The following DLGAP4 variants were observed in gnomAD, a reference collection of about 807,000 sequenced individuals.
DLGAP4 encodes the protein disks large-associated protein 4.
DLGAP4 carries 18 observed loss-of-function variants against 86.9 expected under a neutral mutation model. The ratio of observed to expected loss-of-function variants is 0.21; its 90% confidence interval spans 0.14 to 0.31. The LOEUF is 0.31. DLGAP4 is among the 10% of genes least tolerant of loss of function. The pLI is 1.00. For missense variants in DLGAP4, 1,085 were observed against 1,362.6 expected (o/e 0.80, Z 3.21); for synonymous variants, 548 against 574.3 (o/e 0.95, Z 0.65).
chr20:36,456,067 C>T (rs765632764), intron 7 of DLGAP4, among the ~76,000 whole-genome samples: 2 of 152,230 alleles, frequency 1.3e-5, no homozygotes, highest in African/African-American at 2.4e-5. Context: ...GTGCCACCAT[C>T]GATTCGCGAT....
intron 2 of DLGAP4, among the ~76,000 whole-genome samples, chr20:36,368,445 C>T (rs754886274): frequency 8.6e-4 from 131 of 152,232 alleles, no homozygotes; most frequent in Non-Finnish European, 1.4e-3. Context: ...CTGTAGATAA[C>T]GTATGTAGAA....
chr20:36,493,695 G>A (rs898045859), intron 7 of DLGAP4, among the ~76,000 whole-genome samples: 1 of 152,222 alleles, frequency 6.6e-6, no homozygotes, highest in Non-Finnish European at 1.5e-5. Context: ...GGGGCCCAAG[G>A]CCTGGAGAGC....
At chr20:36,425,202 A>G (rs2032941636) in intron 2 of DLGAP4, among the ~76,000 whole-genome samples, 1 of 152,216 alleles carries the variant, frequency 6.6e-6, no homozygotes, top group African/African-American at 2.4e-5. Context: ...TATCTAGAAT[A>G]TATACAAAGA....
chr20:36,490,961 A>G (rs952488800), intron 7 of DLGAP4, among the ~76,000 whole-genome samples: 2 of 151,822 alleles, frequency 1.3e-5, no homozygotes, highest in East Asian at 1.9e-4. Flanking sequence ...TTGGGAGGCC[A>G]AGGTGGGCGG....
intron 1 of DLGAP4, among the ~76,000 whole-genome samples, chr20:36,348,118 C>T (rs1359630491): frequency 2.0e-5 from 3 of 152,170 alleles, no homozygotes; most frequent in Admixed American, 6.5e-5. Flanking sequence ...CTACCAAAAA[C>T]GTAGTCACAT....
intron 10 of DLGAP4, among the ~76,000 whole-genome samples, chr20:36,517,024 C>G (rs2037080328): frequency 6.6e-6 from 1 of 151,744 alleles, no homozygotes. Flanking sequence ...CCTCGGCCTC[C>G]CAGAGTGCTG....
chr20:36,341,367 T>C (rs1855223864), intron 1 of DLGAP4, among the ~76,000 whole-genome samples: 1 of 152,154 alleles, frequency 6.6e-6, no homozygotes, highest in South Asian at 2.1e-4. Context: ...CTCACCCCCT[T>C]GCCAAGAGCT....
At chr20:36,491,680 A>G (rs1009365254) in intron 7 of DLGAP4, among the ~76,000 whole-genome samples, 1 of 152,118 alleles carries the variant, frequency 6.6e-6, no homozygotes, top group Non-Finnish European at 1.5e-5. Context: ...GAAGCTGCTG[A>G]GATGGATGGG....
rs2147578318 is a variant in DLGAP4 at position 36,446,828 on chromosome 20, C to T, written c.1539C>T (p.Tyr513=). 6.2e-7 allele frequency: 1 copy of T among 1,613,076 alleles called. No individual in the cohort carries two copies. Among genetic ancestry groups the T allele is most frequent in the East Asian group, 2.2e-5 (1 of 44,878 alleles). ...PSYFRSRSHS[Y]LRAIQAGCSQ... Reference sequence around the variant, plus strand: ...ACTTCCGCTCCCGCAGCCACAGCTACCTGCGTGCCATCCAGGCAGGCTGCT... The same window carrying T: ...ACTTCCGCTCCCGCAGCCACAGCTATCTGCGTGCCATCCAGGCAGGCTGCT... The change falls in exon 7 of 13, where the codon TAC becomes TAT. Residue 513 remains tyrosine, a synonymous_variant. Coordinates refer to ENST00000339266, the MANE Select transcript of DLGAP4 (RefSeq NM_001365621.2).
intron 2 of DLGAP4, among the ~76,000 whole-genome samples, chr20:36,403,934 A>G (rs1032937381): frequency 6.6e-6 from 1 of 152,194 alleles, no homozygotes; most frequent in Non-Finnish European, 1.5e-5. Context: ...AACACAGTAG[A>G]TGTCTTCCCC....
chr20:36,480,084 G>A (rs1019233018), intron 7 of DLGAP4, among the ~76,000 whole-genome samples: 3 of 152,298 alleles, frequency 2.0e-5, no homozygotes, highest in East Asian at 1.9e-4. Flanking sequence ...TCATTTTATA[G>A]ATGGGAGAAA....
At chr20:36,466,643 A>T (rs1271833790) in intron 7 of DLGAP4, among the ~76,000 whole-genome samples, 1 of 152,206 alleles carries the variant, frequency 6.6e-6, no homozygotes, top group Admixed American at 6.5e-5. Flanking sequence ...AGACCCACCC[A>T]TTCTTAGAAA....
chr20:36,461,671 C>T (rs1404848521), intron 7 of DLGAP4: 1 of 179,400 alleles, frequency 5.6e-6, no homozygotes, highest in African/African-American at 2.7e-5. Context: ...CCGCCCGGCC[C>T]GGCCCGGCCC....
chr20:36,515,047 A>C (rs1468910261), intron 10 of DLGAP4, among the ~76,000 whole-genome samples: 1 of 152,162 alleles, frequency 6.6e-6, no homozygotes, highest in Non-Finnish European at 1.5e-5. Context: ...AGTCACTCCA[A>C]GGACCACTGA....
chr20:36,396,362 G>A (rs200344132), intron 2 of DLGAP4, among the ~76,000 whole-genome samples: 30 of 22,720 alleles, frequency 1.3e-3, no homozygotes, highest in African/African-American at 2.6e-3. Flanking sequence ...CATACCACAC[G>A]CACATACACA....
At chr20:36,320,124 C>A (rs1477690555) in intron 1 of DLGAP4, among the ~76,000 whole-genome samples, 1 of 135,792 alleles carries the variant, frequency 7.4e-6, no homozygotes, top group African/African-American at 2.8e-5. Context: ...CTAGGCCCCC[C>A]TCTGTGTCTT....
chr20:36,451,097 T>C (rs2033723567), intron 7 of DLGAP4, among the ~76,000 whole-genome samples: 1 of 152,212 alleles, frequency 6.6e-6, no homozygotes, highest in Non-Finnish European at 1.5e-5. Context: ...TAGATGTCTT[T>C]TGCATCTTGA....
intron 1 of DLGAP4, among the ~76,000 whole-genome samples, chr20:36,364,828 C>T (rs1385812745): frequency 2.0e-5 from 3 of 152,136 alleles, no homozygotes; most frequent in Non-Finnish European, 4.4e-5. Flanking sequence ...AGCTCAGTAG[C>T]TCATGTCTGT....
At chr20:36,471,905 A>G (rs756892567) in intron 7 of DLGAP4, among the ~76,000 whole-genome samples, 3 of 151,656 alleles carry the variant, frequency 2.0e-5, no homozygotes, top group Admixed American at 6.6e-5. Flanking sequence ...AAGACGAGAG[A>G]AAAAAAAAGA....
Sources: allele counts gnomAD v4.1 joint callset (sites outside exome capture counted in the v4.1 genomes callset), GRCh38; gene constraint gnomAD v4.1.1; transcripts MANE v1.5; gene names NCBI Gene and HGNC (gene_info 2026-07-23, HGNC 2026-07-21).